TXNDC16: variants seen among roughly 807,000 people sequenced by gnomAD.
The protein encoded by TXNDC16 is thioredoxin domain-containing protein 16.
Under a neutral mutation model 85.6 loss-of-function variants are expected in TXNDC16, and 74 were observed. The observed-to-expected ratio is 0.86, with a 90% confidence interval of 0.72 to 1.05. The LOEUF (loss-of-function observed/expected upper bound fraction) is 1.05, where lower values mean the gene tolerates loss of function less well. Among genes scored for constraint, TXNDC16 ranks in the 50% least tolerant of loss-of-function variants. TXNDC16 has a pLI of 0.00. For missense variants in TXNDC16, 959 were observed against 947.0 expected (o/e 1.01, Z -0.17); for synonymous variants, 335 against 326.5 (o/e 1.03, Z -0.28).
intron 4 of TXNDC16, among the ~76,000 whole-genome samples, chr14:52,539,316 AGAGAT>A (rs1254177557): frequency 6.6e-6 from 1 of 152,220 alleles, no homozygotes; most frequent in Non-Finnish European, 1.5e-5. Context: ...AATAAGTATA[AGAGAT>A]GAGTTCTAAG....
chr14:52,488,363 C>G lies in TXNDC16; in HGVS notation c.1108G>C (p.Asp370His), dbSNP rs139497071. 9 of 1,613,050 alleles carry G rather than the reference C, an allele frequency of 5.6e-6. No homozygotes were observed. The highest frequency in any genetic ancestry group is 1.1e-5 in the South Asian group (1 of 90,956). ...EDNDMEGPDIDVQDDEVAETV... is the reference protein window; with the variant it reads ...EDNDMEGPDIHVQDDEVAETV... The stretch of plus-strand genomic sequence containing the variant: ...AGGGGTGAGAATCATAACACATTAC[C>G]TATATCTGGACCTTCCATGTCATTG... The change falls in exon 12 of 21, where the codon GAT becomes CAT. Residue 370 changes from aspartate (D) to histidine (H), a missense_variant and splice_region_variant. Physicochemically the swap from Asp to His is moderately conservative, Grantham distance 81 (BLOSUM62 -1). Coordinates refer to ENST00000281741, the MANE Select transcript of TXNDC16 (RefSeq NM_020784.3).
chr14:52,489,169 G>A (rs1034035742), intron 11 of TXNDC16, among the ~76,000 whole-genome samples: 1 of 151,966 alleles, frequency 6.6e-6, no homozygotes, highest in Non-Finnish European at 1.5e-5. Flanking sequence ...ACATTCCACA[G>A]AAATATTCAA....
intron 6 of TXNDC16, among the ~76,000 whole-genome samples, chr14:52,519,912 T>A (rs1010897215): frequency 6.6e-6 from 1 of 152,216 alleles, no homozygotes; most frequent in South Asian, 2.1e-4. Context: ...GATTCCTTTA[T>A]AGTACTTATT....
intron 1 of TXNDC16, among the ~76,000 whole-genome samples, chr14:52,550,764 C>T (rs2038026587): frequency 6.6e-6 from 1 of 152,160 alleles, no homozygotes; most frequent in Non-Finnish European, 1.5e-5. Context: ...ATATGTGGCG[C>T]CCTTGATTTT....
At chr14:52,483,118 C>T (rs2036188061) in intron 12 of TXNDC16, among the ~76,000 whole-genome samples, 153 bp from the exon 13 acceptor site, 1 of 152,106 alleles carries the variant, frequency 6.6e-6, no homozygotes, top group Admixed American at 6.6e-5. Context: ...ATTTAGAAAA[C>T]TTTGCAGTTG....
At chr14:52,550,057 C>A (rs2038014678) in intron 1 of TXNDC16, among the ~76,000 whole-genome samples, 2 of 152,108 alleles carry the variant, frequency 1.3e-5, no homozygotes, top group African/African-American at 4.8e-5. Context: ...TAGCTGACAC[C>A]AAGCTTTTCT....
At chr14:52,491,395 C>T (rs1449780171) in intron 9 of TXNDC16, among the ~76,000 whole-genome samples, 1 of 146,666 alleles carries the variant, frequency 6.8e-6, no homozygotes, top group East Asian at 2.0e-4. Context: ...ACGAGGTCTC[C>T]CTATGTTGCC....
intron 9 of TXNDC16, among the ~76,000 whole-genome samples, chr14:52,510,973 T>C (rs981669838): frequency 2.0e-5 from 3 of 152,138 alleles, no homozygotes; most frequent in African/African-American, 4.8e-5. Flanking sequence ...ACTTACACAA[T>C]GCTCTATTTG....
intron 1 of TXNDC16, among the ~76,000 whole-genome samples, chr14:52,544,867 T>G (rs192311969): frequency 6.6e-6 from 1 of 152,048 alleles, no homozygotes; most frequent in Non-Finnish European, 1.5e-5. Flanking sequence ...AAGAGGTATA[T>G]AAAAATGCAA....
chr14:52,527,477 C>T (rs752310354), intron 6 of TXNDC16, among the ~76,000 whole-genome samples: 11 of 152,126 alleles, frequency 7.2e-5, no homozygotes, highest in Non-Finnish European at 1.6e-4. Context: ...GAGTCAAATG[C>T]TTATATTTAG....
intron 5 of TXNDC16, 78 bp downstream of exon 5, chr14:52,537,521 T>G (rs2037730901): frequency 9.4e-7 from 1 of 1,067,590 alleles, no homozygotes; most frequent in Non-Finnish European, 1.4e-6. Flanking sequence ...TTATTCTAGC[T>G]CAGTGATATT....
chr14:52,470,730 A>G (rs747185020), intron 14 of TXNDC16, 50 bp from the exon 15 acceptor site: 1 of 1,525,888 alleles, frequency 6.6e-7, no homozygotes, highest in Non-Finnish European at 8.9e-7. Flanking sequence ...TAGAAAATGC[A>G]TTTGCTTAGG....
At chr14:52,488,042 G>A (rs968176166) in intron 12 of TXNDC16, among the ~76,000 whole-genome samples, 1 of 152,202 alleles carries the variant, frequency 6.6e-6, no homozygotes, top group Admixed American at 6.5e-5. Context: ...TTATCATGTT[G>A]TAGTTTCTAA....
chr14:52,494,930 G>A (rs10129758), intron 9 of TXNDC16, among the ~76,000 whole-genome samples: 7,084 of 152,266 alleles, frequency 0.047, 528 homozygotes, highest in African/African-American at 0.16. Flanking sequence ...TGTCACATGT[G>A]TTGTGCTTAA....
chr14:52,539,003 A>T (rs904116571), intron 4 of TXNDC16, among the ~76,000 whole-genome samples: 2 of 152,216 alleles, frequency 1.3e-5, no homozygotes, highest in African/African-American at 4.8e-5. Context: ...TGGTATTATG[A>T]CAATAGATGT....
chr14:52,470,715 A>G (rs968338165), intron 14 of TXNDC16, 35 bp from the exon 15 acceptor site: 1 of 1,550,344 alleles, frequency 6.5e-7, no homozygotes, highest in Admixed American at 1.9e-5. Flanking sequence ...TGTAATTACT[A>G]ATTGTAGAAA....
chr14:52,514,232 T>C (rs72684239), intron 8 of TXNDC16, among the ~76,000 whole-genome samples: 16,732 of 152,176 alleles, frequency 0.11, 1,225 homozygotes, highest in East Asian at 0.37. Context: ...GCATATCATA[T>C]AGCTGCTGTT....
chr14:52,537,018 GA>G (rs1195246718), intron 5 of TXNDC16, among the ~76,000 whole-genome samples: 1 of 151,210 alleles, frequency 6.6e-6, no homozygotes, highest in African/African-American at 2.4e-5. Context: ...AAAAAGGCTA[GA>G]AAAAAATAGG....
chr14:52,492,589 G>A (rs758349185), intron 9 of TXNDC16, among the ~76,000 whole-genome samples: 6 of 152,078 alleles, frequency 3.9e-5, no homozygotes, highest in Admixed American at 6.5e-5. Flanking sequence ...CTCTTTTGCC[G>A]CCACCCAGCA....
Sources: gnomAD v4.1 joint callset for allele counts (sites outside exome capture counted in the v4.1 genomes callset) on GRCh38, gnomAD v4.1.1 for gene constraint, MANE v1.5 for transcripts, NCBI Gene and HGNC (gene_info 2026-07-23, HGNC 2026-07-21) for gene names.